Variants in PDSS2 observed in about 807,000 individuals in gnomAD.
PDSS2 encodes the protein all trans-polyprenyl-diphosphate synthase PDSS2.
A neutral mutation model predicts 44.5 loss-of-function variants in PDSS2; 31 were observed. That is an observed-to-expected ratio of 0.70 (90% CI 0.52 to 0.94). The LOEUF is 0.94. Among genes scored for constraint, PDSS2 ranks in the 40% least tolerant of loss-of-function variants. The pLI is 0.00. For missense variants in PDSS2, 452 were observed against 482.2 expected, an observed-to-expected ratio of 0.94 and a Z score of 0.59; for synonymous variants, 157 against 180.3, an observed-to-expected ratio of 0.87 and a Z score of 1.03.
chr6:107,209,129 G>C (rs958075335), intron 6 of PDSS2, among the ~76,000 whole-genome samples: 2 of 152,014 alleles, frequency 1.3e-5, no homozygotes, highest in Non-Finnish European at 2.9e-5. Context: ...ATTGATTATA[G>C]TGCTTTGAAA....
intron 1 of PDSS2, among the ~76,000 whole-genome samples, chr6:107,423,556 T>C (rs319093): frequency 0.38 from 57,272 of 152,034 alleles, 13,266 homozygotes; most frequent in Middle Eastern, 0.64. Flanking sequence ...CTCAGTTAAA[T>C]ACTTGAAATG....
intron 1 of PDSS2, among the ~76,000 whole-genome samples, chr6:107,439,027 G>A (rs1305390783): frequency 1.3e-5 from 2 of 152,104 alleles, no homozygotes; most frequent in Non-Finnish European, 2.9e-5. Flanking sequence ...GAAAATTATT[G>A]CATTTCTAAG....
Position 107,357,726 on chromosome 6 carries a change from T to G in PDSS2, c.297-23394A>C, listed in dbSNP as rs571649558. Among the ~76,000 whole-genome samples the G allele has an allele frequency of 1.1e-3, 173 of 152,312 alleles. 2 individuals carry two copies. Among genetic ancestry groups the G allele is most frequent in the Middle Eastern group, 6.8e-3 (2 of 294 alleles). On this transcript the variant is annotated intron_variant, in intron 1 of 7. Coordinates refer to ENST00000369037, the MANE Select transcript of PDSS2 (RefSeq NM_020381.4). ...TTGAAAAACTGAGTGGCAACCGTTA[T>G]TCTCTGGCAATTTTTTACTGTTTCA...
chr6:107,213,542 C>T (rs1188068633), intron 4 of PDSS2, among the ~76,000 whole-genome samples: 4 of 151,814 alleles, frequency 2.6e-5, no homozygotes, highest in Non-Finnish European at 5.9e-5. Flanking sequence ...GGGTGGATCA[C>T]GAGGTCAGGA....
intron 2 of PDSS2, among the ~76,000 whole-genome samples, chr6:107,317,153 C>T (rs1387611497): frequency 6.6e-6 from 1 of 152,174 alleles, no homozygotes; most frequent in Admixed American, 6.5e-5. Context: ...TCCACGGCAC[C>T]TCGCAGCAGT....
intron 7 of PDSS2, among the ~76,000 whole-genome samples, chr6:107,167,964 G>T (rs1387159176): frequency 2.6e-5 from 4 of 152,170 alleles, no homozygotes; most frequent in African/African-American, 9.7e-5. Context: ...TTGATCTGGG[G>T]TGGAGAGTTC....
At chr6:107,263,244 G>A (rs1237480462) in intron 3 of PDSS2, among the ~76,000 whole-genome samples, 1 of 151,960 alleles carries the variant, frequency 6.6e-6, no homozygotes, top group African/African-American at 2.4e-5. Context: ...CCTGAGGTCT[G>A]GAGTTCAAGA....
At chr6:107,368,422 A>G (rs1779029067) in intron 1 of PDSS2, among the ~76,000 whole-genome samples, 1 of 152,208 alleles carries the variant, frequency 6.6e-6, no homozygotes, top group Admixed American at 6.5e-5. Flanking sequence ...TACTGAGATA[A>G]AGAAGATCTA....
At chr6:107,193,334 G>A (rs902015984) in intron 7 of PDSS2, among the ~76,000 whole-genome samples, 1 of 152,192 alleles carries the variant, frequency 6.6e-6, no homozygotes, top group African/African-American at 2.4e-5. Flanking sequence ...AAGTTCCACA[G>A]GTGATGTGAG....
At chr6:107,427,309 C>A (rs753141317) in intron 1 of PDSS2, among the ~76,000 whole-genome samples, 3 of 152,172 alleles carry the variant, frequency 2.0e-5, no homozygotes, top group Non-Finnish European at 2.9e-5. Flanking sequence ...CTCCTCCCTG[C>A]CTAACGCCAT....
intron 1 of PDSS2, among the ~76,000 whole-genome samples, chr6:107,440,207 A>G (rs1781473382): frequency 2.6e-5 from 4 of 152,148 alleles, no homozygotes. Flanking sequence ...TGTCCTTTTC[A>G]GAAGAGATAT....
chr6:107,453,992 T>C (rs974859679), intron 1 of PDSS2, among the ~76,000 whole-genome samples: 1 of 152,084 alleles, frequency 6.6e-6, no homozygotes, highest in East Asian at 1.9e-4. Context: ...TGTTAGATAT[T>C]TGTAAATATC....
intron 4 of PDSS2, among the ~76,000 whole-genome samples, chr6:107,218,521 A>G (rs979361967): frequency 1.3e-5 from 2 of 152,116 alleles, no homozygotes; most frequent in Non-Finnish European, 2.9e-5. Flanking sequence ...TTCTTCCTTG[A>G]TATTACTGGA....
intron 1 of PDSS2, among the ~76,000 whole-genome samples, chr6:107,447,631 C>A (rs1781730740): frequency 6.6e-6 from 1 of 152,238 alleles, no homozygotes; most frequent in Non-Finnish European, 1.5e-5. Flanking sequence ...CAGCCCCTCT[C>A]CTGGCTGCTT....
chr6:107,334,691 C>T (rs1009597500), intron 1 of PDSS2, among the ~76,000 whole-genome samples: 3 of 149,192 alleles, frequency 2.0e-5, no homozygotes, highest in Non-Finnish European at 3.0e-5. Flanking sequence ...TAGGTATGCA[C>T]CACGATGCTC....
At chr6:107,219,125 G>T (rs557898719) in intron 4 of PDSS2, among the ~76,000 whole-genome samples, 78 of 151,552 alleles carry the variant, frequency 5.1e-4, no homozygotes, top group African/African-American at 1.5e-3. Flanking sequence ...ATAGAATCAA[G>T]ATGAACTCTA....
chr6:107,305,633 T>C (rs1340939672), intron 2 of PDSS2, among the ~76,000 whole-genome samples: 1 of 152,212 alleles, frequency 6.6e-6, no homozygotes, highest in East Asian at 1.9e-4. Context: ...ATTCATGTAA[T>C]GTCAAGTATC....
At chr6:107,191,182 T>C (rs748808823) in intron 7 of PDSS2, among the ~76,000 whole-genome samples, 5 of 152,148 alleles carry the variant, frequency 3.3e-5, no homozygotes, top group Non-Finnish European at 5.9e-5. Context: ...TGAGCCACCG[T>C]GCCCGGCCTA....
intron 1 of PDSS2, among the ~76,000 whole-genome samples, chr6:107,352,374 A>C (rs550266375): frequency 5.3e-5 from 8 of 152,318 alleles, no homozygotes; most frequent in Non-Finnish European, 1.2e-4. Context: ...ACTTCCTCCC[A>C]TTTTTTATAT....
Sources: allele counts gnomAD v4.1 joint callset (sites outside exome capture counted in the v4.1 genomes callset), GRCh38; gene constraint gnomAD v4.1.1; transcripts MANE v1.5; gene names NCBI Gene and HGNC (gene_info 2026-07-23, HGNC 2026-07-21).